The following SLC26A2 variants were observed in gnomAD, a reference collection of about 807,000 sequenced individuals.
SLC26A2 encodes sulfate transporter.
Under a neutral mutation model 41.1 loss-of-function variants are expected in SLC26A2, and 36 were observed. The ratio of observed to expected loss-of-function variants is 0.88; its 90% CI spans 0.67 to 1.16. The LOEUF is 1.16. SLC26A2 is among the 50% of genes most tolerant of loss of function. The pLI is 0.00. For synonymous variants in SLC26A2, 291 were observed against 311.6 expected, an observed-to-expected ratio of 0.93 and a Z score of 0.70; for missense variants, 796 against 869.6, an observed-to-expected ratio of 0.92 and a Z score of 1.07.
In SLC26A2 at chr5:149,980,512, A is replaced by G; in HGVS notation, c.919A>G (p.Thr307Ala). ...IHKTNLCDLI[T>A]SLLCLLVLLP... ...TAAGACCAATCTCTGTGATCTTATC[A>G]CCAGCCTTTTGTGCCTTTTGGTTCT... Residue 307 changes from threonine (T) to alanine (A), a missense_variant, in exon 3 of 3, where the codon ACC becomes GCC. Coordinates refer to ENST00000286298, the MANE Select transcript of SLC26A2 (RefSeq NM_000112.4). 6.2e-7 allele frequency: 1 copy of G among 1,614,156 alleles called. No homozygotes were observed. The highest frequency in any genetic ancestry group is 1.6e-4 in the Middle Eastern group (1 of 6,062).
chr5:149,981,330 G>A lies in SLC26A2; in HGVS notation c.1737G>A (p.Lys579=). 1 of 1,614,130 alleles carries A rather than the reference G, an allele frequency of 6.2e-7. No individual in the cohort carries two copies. Among genetic ancestry groups the A allele is most frequent in the Admixed American group, 1.7e-5 (1 of 60,012 alleles). Residue 579 remains lysine (K), a synonymous_variant, in exon 3 of 3, where the codon AAG becomes AAA. Transcript: ENST00000286298. ...ACCTTCAGATTAAGCCAGGCATCAA[G>A]ATTTTCCGCTTTGTAGCCCCTCTCT... The part of the protein sequence containing the change: ...YKNLQIKPGI[K]IFRFVAPLYY...
At position 149,980,435 on chromosome 5, in the gene SLC26A2, A is replaced by G. The variant is rs984263969; in HGVS notation, c.842A>G (p.Asn281Ser). Residue 281 changes from asparagine to serine, a missense_variant, in exon 3 of 3, where the codon AAT becomes AGT. By Grantham distance (46) the Asn-to-Ser change is conservative. Transcript: ENST00000286298. ...CTTGGGCTCAACCTTCCTCGGACTA[A>G]TGGTGTGGGCTCACTCATCACTACC... ...YLLGLNLPRT[N>S]GVGSLITTWI... 56 of 1,613,906 alleles carry G rather than the reference A, an allele frequency of 3.5e-5. No homozygotes were observed. The highest frequency in any genetic ancestry group is 4.7e-5 in the Non-Finnish European group (55 of 1,179,996).
At position 149,981,014 on chromosome 5, in the gene SLC26A2, T is replaced by C. The variant is rs762815055; in HGVS notation, c.1421T>C (p.Leu474Ser). 3 of 1,614,164 alleles carry C rather than the reference T, an allele frequency of 1.9e-6. No homozygotes were observed. In the South Asian group the frequency reaches 3.3e-5, roughly 18 times the overall value. Residue 474 changes from leucine (L) to serine (S), a missense_variant, in exon 3 of 3, where the codon TTG (leucine) becomes TCG (serine). Coordinates refer to ENST00000286298, the MANE Select transcript of SLC26A2 (RefSeq NM_000112.4). The part of the protein sequence containing the change: ...LLLVLLVIAP[L>S]FYSLQKSVLG... Reference sequence around the variant, plus strand: ...TTGGTCCTCCTAGTAATAGCTCCTTTGTTCTATTCCCTTCAAAAAAGTGTC... The same window carrying C: ...TTGGTCCTCCTAGTAATAGCTCCTTCGTTCTATTCCCTTCAAAAAAGTGTC...
rs1173290461 is a variant in SLC26A2 at position 149,963,447 on chromosome 5, CTTTTTA to C, written c.-26+2475_-26+2480del. 2.6e-5 allele frequency among the ~76,000 whole-genome samples: 4 copies of C among 152,122 alleles called. No individual in the cohort carries two copies. The East Asian group carries it at 7.7e-4, about 29-fold the overall frequency. Reference sequence around the variant, plus strand: ...GCATGTGCCACCACGTCCGGCTAATCTTTTTATTTTTAGTAGAGACGGGGTTTCACC... The same window carrying C: ...GCATGTGCCACCACGTCCGGCTAATCTTTTTAGTAGAGACGGGGTTTCACC... On this transcript the variant is annotated intron_variant, in intron 1 of 2. Coordinates refer to ENST00000286298, the MANE Select transcript of SLC26A2 (RefSeq NM_000112.4).
In SLC26A2 at chr5:149,986,743, CTA is replaced by C. The variant is rs1191912871; in HGVS notation, c.*4933_*4934del. ...TATTGTAGATACTATGTTTGTAAGT[CTA>C]TAGCTAAGCAACTTAAGCCAAAAAG... On this transcript the variant is annotated 3_prime_UTR_variant, in exon 3 of 3. Coordinates refer to ENST00000286298, the MANE Select transcript of SLC26A2 (RefSeq NM_000112.4). 6.6e-6 allele frequency: 1 copy of C among 152,196 alleles called. No homozygotes were observed. Among genetic ancestry groups the C allele is most frequent in the Non-Finnish European group, 1.5e-5 (1 of 68,028 alleles). 9.4% of individuals were successfully genotyped at this position (152,196 alleles called of 1,614,324 possible).
intron 2 of SLC26A2, among the ~76,000 whole-genome samples, chr5:149,978,801 C>T (rs1755042865): frequency 1.3e-5 from 2 of 152,198 alleles, no homozygotes; most frequent in East Asian, 1.9e-4. Flanking sequence ...AGTCCTCCTA[C>T]CTCAACCTCC....
At chr5:149,972,942 T>C (rs1754930095) in intron 1 of SLC26A2, among the ~76,000 whole-genome samples, 1 of 152,200 alleles carries the variant, frequency 6.6e-6, no homozygotes, top group South Asian at 2.1e-4. Flanking sequence ...TTTTTAAAAA[T>C]GTAGTGGTTA....
rs937287860 is a variant in SLC26A2 at position 149,984,810 on chromosome 5, C to T, written c.*2997C>T. ...GTCTAAATGAAGCTTTTTCTCAGTA[C>T]AAGATTCTGAGTATCATAAAATGGT... On this transcript the variant is annotated 3_prime_UTR_variant, in exon 3 of 3. Coordinates refer to ENST00000286298, the MANE Select transcript of SLC26A2 (RefSeq NM_000112.4). 5.9e-5 allele frequency: 9 copies of T among 152,186 alleles called. No individual in the cohort carries two copies. Among genetic ancestry groups the T allele is most frequent in the Non-Finnish European group, 1.3e-4 (9 of 68,026 alleles). The allele number at this position is 152,186 out of a possible 1,614,324, so 9.4% of individuals were successfully genotyped here.
chr5:149,965,801 G>A (rs1283007151), intron 1 of SLC26A2, among the ~76,000 whole-genome samples: 1 of 152,130 alleles, frequency 6.6e-6, no homozygotes, highest in Non-Finnish European at 1.5e-5. Flanking sequence ...ACTGGCATAG[G>A]CAATCTATTA....
chr5:149,979,115 G>A (rs1238253853), intron 2 of SLC26A2, among the ~76,000 whole-genome samples: 1 of 151,786 alleles, frequency 6.6e-6, no homozygotes, highest in Non-Finnish European at 1.5e-5. Context: ...GGGGAGGGAG[G>A]GAAAAAGTTG....
chr5:149,972,796 G>A (rs1019715234), intron 1 of SLC26A2, among the ~76,000 whole-genome samples: 39 of 151,810 alleles, frequency 2.6e-4, no homozygotes, highest in African/African-American at 9.0e-4. Context: ...GATATGTTTG[G>A]ATTAAACTCT....
chr5:149,972,688 G>A (rs1185892882), intron 1 of SLC26A2, among the ~76,000 whole-genome samples: 1 of 152,098 alleles, frequency 6.6e-6, no homozygotes, highest in African/African-American at 2.4e-5. Context: ...ATTTAAAGTG[G>A]GTTTCAAGTA....
rs754890390 is a variant in SLC26A2, at chr5:149,980,496, T to G, written c.903T>G (p.Asn301Lys). The part of the protein sequence containing the change: ...IHVFRNIHKT[N>K]LCDLITSLLC... ...TCTTCAGAAACATCCATAAGACCAA[T>G]CTCTGTGATCTTATCACCAGCCTTT... Residue 301 changes from asparagine (N) to lysine (K), a missense_variant, in exon 3 of 3, where the codon AAT becomes AAG. Transcript: ENST00000286298. 1.2e-6 allele frequency: 2 copies of G among 1,613,836 alleles called. No individual in the cohort carries two copies. The highest frequency in any genetic ancestry group is 2.2e-5 in the South Asian group (2 of 91,080).
At position 149,977,876 on chromosome 5, in the gene SLC26A2, A is replaced by C; in HGVS notation, c.224A>C (p.Gln75Pro). ...NFKEFVIKKLQKNCQCSPAKA... is the reference protein window; with the variant it reads ...NFKEFVIKKLPKNCQCSPAKA... ...AAGGAGTTTGTTATTAAAAAGCTGCAGAAGAATTGCCAGTGCAGTCCAGCC... is the reference window on the plus strand; with the variant it reads ...AAGGAGTTTGTTATTAAAAAGCTGCCGAAGAATTGCCAGTGCAGTCCAGCC... The change falls in exon 2 of 3, where the codon CAG (glutamine) becomes CCG (proline). Residue 75 changes from glutamine to proline, a missense_variant. Physicochemically the swap from Gln to Pro is moderately conservative, Grantham distance 76 (BLOSUM62 -1). Transcript: ENST00000286298. The C allele has an allele frequency of 6.2e-7, 1 of 1,614,152 alleles. No homozygotes were observed.
intron 1 of SLC26A2, among the ~76,000 whole-genome samples, chr5:149,961,468 A>G (rs901703793): frequency 5.9e-5 from 9 of 152,118 alleles, no homozygotes; most frequent in Admixed American, 1.3e-4. Context: ...CTCACACACT[A>G]AGTTGGTATT....
At chr5:149,968,782 G>A (rs879182836) in intron 1 of SLC26A2, among the ~76,000 whole-genome samples, 1 of 148,742 alleles carries the variant, frequency 6.7e-6, no homozygotes, top group Non-Finnish European at 1.5e-5. Context: ...GCAGTGGCGC[G>A]ATCTTGGTTC....
At chr5:149,969,591 C>T (rs1190262560) in intron 1 of SLC26A2, among the ~76,000 whole-genome samples, 3 of 152,254 alleles carry the variant, frequency 2.0e-5, no homozygotes, top group Admixed American at 1.3e-4. Flanking sequence ...AGCACCACCT[C>T]TTACCTAGTT....
At chr5:149,979,945 AATGTTTT>A (rs2113697407) in intron 2 of SLC26A2, among the ~76,000 whole-genome samples, 1 of 152,276 alleles carries the variant, frequency 6.6e-6, no homozygotes, top group South Asian at 2.1e-4. Flanking sequence ...GATCCTTGAG[AATGTTTT>A]TCTTTTAAAA....
chr5:149,977,871 G>A lies in SLC26A2; in HGVS notation c.219G>A (p.Lys73=). ...DTNFKEFVIK[K]LQKNCQCSPA... is the part of the protein sequence containing the mutation. ...ACTTCAAGGAGTTTGTTATTAAAAA[G>A]CTGCAGAAGAATTGCCAGTGCAGTC... Residue 73 remains lysine (K), a synonymous_variant, in exon 2 of 3, where the codon AAG becomes AAA. Transcript: ENST00000286298. 6.2e-7 allele frequency: 1 copy of A among 1,614,180 alleles called. No individual in the cohort carries two copies. Among genetic ancestry groups the A allele is most frequent in the African/African-American group, 1.3e-5 (1 of 75,062 alleles).
Sources: gnomAD v4.1 joint callset for allele counts (sites outside exome capture counted in the v4.1 genomes callset) on GRCh38, gnomAD v4.1.1 for gene constraint, MANE v1.5 for transcripts, NCBI Gene and HGNC (gene_info 2026-07-23, HGNC 2026-07-21) for gene names.